FMN1: variants seen among roughly 807,000 people sequenced by gnomAD.
FMN1 encodes formin-1.
A neutral mutation model predicts 132.4 loss-of-function variants in FMN1; 110 were observed. That is an observed-to-expected ratio of 0.83 (90% CI 0.71 to 0.97). The LOEUF (loss-of-function observed/expected upper bound fraction) is 0.97, where lower values mean the gene tolerates loss of function less well. Among genes scored for constraint, FMN1 ranks in the 50% least tolerant of loss-of-function variants. The pLI, the probability that FMN1 is intolerant of heterozygous loss-of-function variation, is 0.00. For synonymous variants in FMN1, 722 were observed against 651.7 expected, an observed-to-expected ratio of 1.11 and a Z score of -1.64; for missense variants, 1,792 against 1,705.3, an observed-to-expected ratio of 1.05 and a Z score of -0.90.
rs1487583059 is a variant in FMN1, at chr15:32,964,128, C to G, written c.3117G>C (p.Glu1039Asp). 6.2e-7 allele frequency: 1 copy of G among 1,611,056 alleles called. No homozygotes were observed. Among genetic ancestry groups the G allele is most frequent in the Non-Finnish European group, 8.5e-7 (1 of 1,178,980 alleles). The change falls in exon 9 of 21, where the codon GAG becomes GAC. Residue 1039 changes from glutamate to aspartate, a missense_variant. Physicochemically the swap from Glu to Asp is conservative, Grantham distance 45. Coordinates refer to ENST00000616417, the MANE Select transcript of FMN1 (RefSeq NM_001277313.2). ...QKKKPLSETY[E>D]KKNKVKKIIK... ...GTACCTTTTTGACCTTGTTTTTCTT[C>G]TCATAAGTCTCTGACAGAGGTTTTT... is the stretch of plus-strand genomic sequence containing the variant.
In FMN1 at chr15:33,129,079, C is replaced by T. The variant is rs540029598; in HGVS notation, c.1867+23969G>A. Among the ~76,000 whole-genome samples, 4 of 152,282 alleles carry T rather than the reference C, an allele frequency of 2.6e-5. No individual in the cohort carries two copies. The East Asian group carries it at 7.7e-4, about 29-fold the overall frequency. On this transcript the variant is annotated intron_variant, in intron 4 of 20. Coordinates refer to ENST00000616417, the MANE Select transcript of FMN1 (RefSeq NM_001277313.2). ...CACTGATTGGTGCATTTACAATCCT[C>T]TAGCTAGGCAGAAAAGTTCTCCAAG...
intron 6 of FMN1, among the ~76,000 whole-genome samples, chr15:33,011,906 C>T (rs775037552): frequency 6.6e-6 from 1 of 152,132 alleles, no homozygotes; most frequent in Non-Finnish European, 1.5e-5. Context: ...AGATGCAGAA[C>T]AATGGAAACT....
chr15:32,974,294 G>GT (rs1332615089), intron 7 of FMN1, among the ~76,000 whole-genome samples: 1 of 152,088 alleles, frequency 6.6e-6, no homozygotes, highest in East Asian at 1.9e-4. Context: ...AGGTGCTGAG[G>GT]TTTGATATCT....
intron 16 of FMN1, among the ~76,000 whole-genome samples, chr15:32,884,927 C>T (rs1454805837): frequency 4.6e-5 from 7 of 152,214 alleles, no homozygotes; most frequent in Non-Finnish European, 7.3e-5. Flanking sequence ...ACAGGCTGTG[C>T]ACTTTCCAGT....
chr15:33,157,571 T>C (rs1474456872), intron 3 of FMN1, among the ~76,000 whole-genome samples: 1 of 152,218 alleles, frequency 6.6e-6, no homozygotes, highest in African/African-American at 2.4e-5. Context: ...CCTACTGCCT[T>C]CTACTAACAA....
intron 7 of FMN1, among the ~76,000 whole-genome samples, chr15:32,972,764 T>C (rs1294876097): frequency 1.3e-5 from 2 of 152,188 alleles, no homozygotes; most frequent in Non-Finnish European, 2.9e-5. Flanking sequence ...GGTGAGTACC[T>C]TCAAACTTGG....
At chr15:32,909,978 G>C (rs116857312) in intron 11 of FMN1, among the ~76,000 whole-genome samples, 3,503 of 152,152 alleles carry the variant, frequency 0.023, 69 homozygotes, top group Middle Eastern at 0.069. Flanking sequence ...CACTTAGCAG[G>C]CAATGGTAGA....
chr15:33,054,803 A>C (rs2037142487), intron 6 of FMN1, among the ~76,000 whole-genome samples: 1 of 152,200 alleles, frequency 6.6e-6, no homozygotes, highest in African/African-American at 2.4e-5. Context: ...TCAGTTATTT[A>C]AAACTCTATA....
At chr15:33,072,472 A>G (rs973236496) in intron 5 of FMN1, among the ~76,000 whole-genome samples, 1 of 147,214 alleles carries the variant, frequency 6.8e-6, no homozygotes, top group East Asian at 3.3e-4. Context: ...TTCTGTTATA[A>G]CTCTGTTAAA....
chr15:32,987,132 C>T (rs547675232), intron 7 of FMN1, among the ~76,000 whole-genome samples: 1 of 152,108 alleles, frequency 6.6e-6, no homozygotes, highest in African/African-American at 2.4e-5. Flanking sequence ...AAGGCAGAGA[C>T]AGGATAACCT....
chr15:32,963,047 T>C (rs2030767693), intron 9 of FMN1, among the ~76,000 whole-genome samples: 1 of 144,476 alleles, frequency 6.9e-6, no homozygotes, highest in South Asian at 2.2e-4. Context: ...TGCACACGTA[T>C]GTTTATTGTG....
chr15:33,017,514 G>C (rs905916097), intron 6 of FMN1, among the ~76,000 whole-genome samples: 2 of 151,958 alleles, frequency 1.3e-5, no homozygotes, highest in African/African-American at 4.8e-5. Context: ...TTATCAGTGA[G>C]TCAACCTACT....
intron 7 of FMN1, among the ~76,000 whole-genome samples, chr15:32,983,422 C>G (rs2032836249): frequency 6.6e-6 from 1 of 152,180 alleles, no homozygotes; most frequent in African/African-American, 2.4e-5. Flanking sequence ...TGTTCTACAT[C>G]CTGATTGTAG....
chr15:33,010,298 G>A (rs915724743), intron 6 of FMN1, among the ~76,000 whole-genome samples: 2 of 152,120 alleles, frequency 1.3e-5, no homozygotes, highest in Admixed American at 1.3e-4. Flanking sequence ...AGTTGCCAGA[G>A]GTTAGAGATG....
chr15:33,031,682 A>G lies in FMN1; in HGVS notation c.2162-23607T>C, dbSNP rs557715256. ...GCCAGATGCATCCAGCCATCAGGTGATACAGCCTCAGGCTGCTCCATTCCC... is the reference window on the plus strand; with the variant it reads ...GCCAGATGCATCCAGCCATCAGGTGGTACAGCCTCAGGCTGCTCCATTCCC... On this transcript the variant is annotated intron_variant, in intron 6 of 20. Transcript: ENST00000616417. Among the ~76,000 whole-genome samples the G allele has an allele frequency of 1.1e-4, 16 of 152,344 alleles. No individual in the cohort carries two copies. The East Asian group carries it at 2.9e-3, about 28-fold the overall frequency.
chr15:33,112,419 T>C (rs1240277583), intron 4 of FMN1, among the ~76,000 whole-genome samples: 1 of 152,168 alleles, frequency 6.6e-6, no homozygotes, highest in Non-Finnish European at 1.5e-5. Context: ...CTTACATAAT[T>C]CTTTTAATTA....
At chr15:33,061,295 G>A (rs756246390) in intron 6 of FMN1, among the ~76,000 whole-genome samples, 29 of 152,126 alleles carry the variant, frequency 1.9e-4, no homozygotes, top group African/African-American at 5.8e-4. Flanking sequence ...TAGCATGCTC[G>A]AGTCACTAGA....
chr15:33,001,417 G>C (rs1418863896), intron 7 of FMN1, among the ~76,000 whole-genome samples: 1 of 152,262 alleles, frequency 6.6e-6, no homozygotes, highest in Non-Finnish European at 1.5e-5. Flanking sequence ...GTAAGTACTT[G>C]GATGATTTTG....
intron 10 of FMN1, among the ~76,000 whole-genome samples, chr15:32,924,208 G>A (rs760063598): frequency 2.0e-5 from 3 of 152,068 alleles, no homozygotes; most frequent in Non-Finnish European, 4.4e-5. Context: ...GGCCTATTTA[G>A]CCACCCTCTG....
Sources: allele counts gnomAD v4.1 joint callset (sites outside exome capture counted in the v4.1 genomes callset), GRCh38; gene constraint gnomAD v4.1.1; transcripts MANE v1.5; gene names NCBI Gene and HGNC (gene_info 2026-07-23, HGNC 2026-07-21).